The following MTCH2 variants were observed in gnomAD, a reference collection of about 807,000 sequenced individuals.
MTCH2 encodes the protein mitochondrial carrier homolog 2.
In MTCH2, 25 loss-of-function variants were observed where a neutral mutation model predicts 50.6. That is an observed-to-expected ratio of 0.49 (90% CI 0.36 to 0.69). The LOEUF (loss-of-function observed/expected upper bound fraction) is 0.69, where lower values mean the gene tolerates loss of function less well. Ranked by LOEUF, MTCH2 falls within the 30% of genes least tolerant of loss-of-function variation. The pLI is 0.00. For missense variants in MTCH2, 273 were observed against 384.4 expected (o/e 0.71, Z 2.42); for synonymous variants, 106 against 132.0 (o/e 0.80, Z 1.35).
chr11:47,629,694 C>G (rs1369705249), intron 8 of MTCH2, among the ~76,000 whole-genome samples: 1 of 151,622 alleles, frequency 6.6e-6, no homozygotes, highest in Non-Finnish European at 1.5e-5. Context: ...GCTGTCCTGC[C>G]TATCTCACAG....
chr11:47,630,396 G>GA (rs1319558638), intron 8 of MTCH2, among the ~76,000 whole-genome samples, 159 bp downstream of exon 8: 1 of 151,156 alleles, frequency 6.6e-6, no homozygotes, highest in Non-Finnish European at 1.5e-5. Flanking sequence ...TTTCTGCAGA[G>GA]AAAAAAGAAA....
intron 10 of MTCH2, 50 bp from the exon 11 acceptor site, chr11:47,625,791 T>G (rs1369997259): frequency 6.7e-7 from 1 of 1,492,008 alleles, no homozygotes; most frequent in Non-Finnish European, 9.3e-7. Context: ...CTAGTCTTTA[T>G]TCTCCTTTCC....
At chr11:47,615,165 G>T (rs989652159), downstream of MTCH2, among the ~76,000 whole-genome samples, 3 of 149,158 alleles carry the variant, frequency 2.0e-5, no homozygotes, top group African/African-American at 7.4e-5. Flanking sequence ...AGCCTCCTGT[G>T]TAGCTGGCAC....
the MTCH2 span, among the ~76,000 whole-genome samples, chr11:47,610,561 C>T: frequency 1.2e-4 from 18 of 151,934 alleles, no homozygotes; most frequent in African/African-American, 3.6e-4. Context: ...AAAAGTTAGC[C>T]GGGTGTGATG....
In MTCH2 at chr11:47,620,122, A is replaced by C. The variant is rs2097291938; in HGVS notation, c.826-1203T>G. Among the ~76,000 whole-genome samples the C allele has an allele frequency of 2.6e-5, 4 of 151,844 alleles. No individual in the cohort carries two copies. The South Asian group carries it at 8.4e-4, about 32-fold the overall frequency. On this transcript the variant is annotated intron_variant, in intron 12 of 12. Coordinates refer to ENST00000302503, the MANE Select transcript of MTCH2 (RefSeq NM_014342.4). ...AAACAAAAAAACAAACAAACAAAAAACAAAAAACAGGGGTGAGGGGGGAGG... is the reference window on the plus strand; with the variant it reads ...AAACAAAAAAACAAACAAACAAAAACCAAAAAACAGGGGTGAGGGGGGAGG...
downstream of MTCH2, among the ~76,000 whole-genome samples, chr11:47,613,256 G>A (rs1016762414): frequency 6.6e-6 from 1 of 151,864 alleles, no homozygotes; most frequent in Non-Finnish European, 1.5e-5. Context: ...CAAAATGCTG[G>A]GATTACAGGC....
At chr11:47,604,792 C>T in the MTCH2 span, among the ~76,000 whole-genome samples, 1 of 152,064 alleles carries the variant, frequency 6.6e-6, no homozygotes, top group Non-Finnish European at 1.5e-5. Context: ...ACAAGGTGCA[C>T]AACATACCAC....
At chr11:47,614,296 G>A (rs2097287142), downstream of MTCH2, among the ~76,000 whole-genome samples, 1 of 151,992 alleles carries the variant, frequency 6.6e-6, no homozygotes, top group Admixed American at 6.6e-5. Context: ...CTTAATTAGA[G>A]TCTCACATAA....
At chr11:47,608,862 G>A in the MTCH2 span, among the ~76,000 whole-genome samples, 265 of 151,642 alleles carry the variant, frequency 1.7e-3, 1 homozygote, top group African/African-American at 5.9e-3. Context: ...GGAGGCTGAG[G>A]CAGGAGAATG....
chr11:47,624,129 G>A (rs1427834839), intron 11 of MTCH2, among the ~76,000 whole-genome samples: 1 of 151,964 alleles, frequency 6.6e-6, no homozygotes, highest in African/African-American at 2.4e-5. Context: ...CTACTCAGGA[G>A]GCTGAGGCAG....
intron 12 of MTCH2, 68 bp from the exon 13 acceptor site, chr11:47,618,987 CAG>C (rs2097290740): frequency 1.4e-6 from 2 of 1,390,558 alleles, no homozygotes; most frequent in Admixed American, 1.7e-5. Flanking sequence ...TCCAAATCAG[CAG>C]AGAGGTCCAA....
chr11:47,610,551 A>G, the MTCH2 span, among the ~76,000 whole-genome samples: 1 of 152,116 alleles, frequency 6.6e-6, no homozygotes, highest in African/African-American at 2.4e-5. Flanking sequence ...CTAAAAATAC[A>G]AAAGTTAGCC....
chr11:47,638,264 C>T (rs1224127566), intron 3 of MTCH2, among the ~76,000 whole-genome samples: 1 of 130,800 alleles, frequency 7.6e-6, no homozygotes, highest in African/African-American at 2.9e-5. Flanking sequence ...GTAACAGCAA[C>T]AATTTCACTG....
intron 5 of MTCH2, among the ~76,000 whole-genome samples, chr11:47,633,402 G>A (rs1173243727): frequency 3.4e-5 from 5 of 148,264 alleles, no homozygotes; most frequent in South Asian, 2.1e-4. Context: ...AAGCCACCAC[G>A]CCCGGCCGTA....
chr11:47,628,763 A>G (rs749495389), intron 9 of MTCH2, among the ~76,000 whole-genome samples, 190 bp downstream of exon 9: 1 of 152,106 alleles, frequency 6.6e-6, no homozygotes, highest in Non-Finnish European at 1.5e-5. Context: ...TTTTTAGTAG[A>G]GACGAGGTTT....
intron 9 of MTCH2, among the ~76,000 whole-genome samples, chr11:47,628,337 A>G (rs2097299904): frequency 6.6e-6 from 1 of 152,132 alleles, no homozygotes; most frequent in Admixed American, 6.6e-5. Flanking sequence ...AGGTTCTCTC[A>G]AGTTAAGTAT....
At chr11:47,635,000 T>C (rs1197681993) in intron 4 of MTCH2, among the ~76,000 whole-genome samples, 2 of 152,070 alleles carry the variant, frequency 1.3e-5, no homozygotes. Flanking sequence ...CTCGATTTCC[T>C]GACCTCGTGA....
the MTCH2 span, among the ~76,000 whole-genome samples, chr11:47,608,584 C>G: frequency 3.9e-5 from 6 of 152,156 alleles, no homozygotes; most frequent in Admixed American, 3.9e-4. Flanking sequence ...GCTGCCAGTG[C>G]GGCACAAATG....
the MTCH2 span, among the ~76,000 whole-genome samples, chr11:47,607,152 C>T: frequency 1.3e-5 from 2 of 152,150 alleles, no homozygotes; most frequent in East Asian, 3.9e-4. Context: ...CTCTGAGCTT[C>T]CATTTCTCTC....
Sources: gnomAD v4.1 joint callset for allele counts (sites outside exome capture counted in the v4.1 genomes callset) on GRCh38, gnomAD v4.1.1 for gene constraint, MANE v1.5 for transcripts, NCBI Gene and HGNC (gene_info 2026-07-23, HGNC 2026-07-21) for gene names.